Variants in MYO5C observed in about 807,000 individuals in gnomAD.
MYO5C encodes unconventional myosin-Vc.
In MYO5C, 194 loss-of-function variants were observed where a neutral mutation model predicts 235.7. That is an observed-to-expected ratio of 0.82 (90% CI 0.73 to 0.93). The LOEUF is 0.93. MYO5C is among the 40% of genes least tolerant of loss of function. The pLI is 0.00. For synonymous variants in MYO5C, 707 were observed against 754.8 expected, an observed-to-expected ratio of 0.94 and a Z score of 1.04; for missense variants, 2,038 against 2,127.2, an observed-to-expected ratio of 0.96 and a Z score of 0.82.
At chr15:52,196,124 T>G (rs1315612275) in intron 39 of MYO5C, among the ~76,000 whole-genome samples, 185 bp downstream of exon 39, 1 of 151,882 alleles carries the variant, frequency 6.6e-6, no homozygotes, top group Non-Finnish European at 1.5e-5. Flanking sequence ...TCTATGTTTT[T>G]AAGACCTAGT....
At chr15:52,260,810 C>G (rs4497629) in intron 10 of MYO5C, 52 bp downstream of exon 10, 1,566,801 of 1,575,222 alleles carry the variant, frequency 0.99, 779,614 homozygotes, top group East Asian at 1. Context: ...AAAAACCATG[C>G]GGCTCTCAAC....
At chr15:52,261,269 G>A in intron 9 of MYO5C, 142 bp from the exon 10 acceptor site, 1 of 957,298 alleles carries the variant, frequency 1.0e-6, no homozygotes, top group Non-Finnish European at 1.5e-6. Flanking sequence ...AGCCTCAGGA[G>A]GTGGAGATAG....
At chr15:52,230,466 T>C (rs2035922253) in intron 24 of MYO5C, among the ~76,000 whole-genome samples, 1 of 151,906 alleles carries the variant, frequency 6.6e-6, no homozygotes, top group Non-Finnish European at 1.5e-5. Context: ...TGAACTTCAG[T>C]GGCATGATCT....
intron 12 of MYO5C, among the ~76,000 whole-genome samples, chr15:52,252,612 A>G (rs897613235): frequency 6.6e-6 from 1 of 152,036 alleles, no homozygotes; most frequent in Non-Finnish European, 1.5e-5. Context: ...CGTCTCTACC[A>G]AAAATACAAA....
chr15:52,206,053 A>AATCAG, intron 36 of MYO5C, 87 bp from the exon 37 acceptor site: 1 of 815,480 alleles, frequency 1.2e-6, no homozygotes, highest in Non-Finnish European at 1.8e-6. Context: ...TTTACCTTAA[A>AATCAG]ACTTAATGTC....
Position 52,229,223 on chromosome 15 carries a change from C to T in MYO5C, c.3117G>A (p.Glu1039=). Residue 1039 remains glutamate, a synonymous_variant, in exon 25 of 41, where the codon GAG becomes GAA. Transcript: ENST00000261839. ...CCACCAGGTGTTGGAGTTGCATCTTCTCATCCTTGAGAGCTTTAATTTCTT... is the reference window on the plus strand; with the variant it reads ...CCACCAGGTGTTGGAGTTGCATCTTTTCATCCTTGAGAGCTTTAATTTCTT... The part of the protein sequence containing the change: ...LKEEIKALKD[E]KMQLQHLVEG... 6.2e-7 allele frequency: 1 copy of T among 1,614,234 alleles called. No homozygotes were observed.
In MYO5C at chr15:52,196,366, G is replaced by A. The variant is rs762980330; in HGVS notation, c.4938C>T (p.Thr1646=). The part of the protein sequence containing the change: ...QAAWLLQVKK[T]TDSDAKEIYE... ...AGATCTCCTTGGCATCACTGTCTGT[G>A]GTCTTCTTGACCTGAAGCAACCAGG... is the stretch of plus-strand genomic sequence containing the variant. Residue 1646 remains threonine (T), a synonymous_variant, in exon 39 of 41, where the codon ACC becomes ACT. Transcript: ENST00000261839. The A allele has an allele frequency of 1.9e-6, 3 of 1,613,958 alleles. No homozygotes were observed. In the African/African-American group the frequency reaches 4.0e-5, roughly 22 times the overall value.
At chr15:52,262,962 G>T (rs565555115) in intron 9 of MYO5C, among the ~76,000 whole-genome samples, 3 of 152,308 alleles carry the variant, frequency 2.0e-5, no homozygotes, top group African/African-American at 7.2e-5. Flanking sequence ...GGCCTGCCAT[G>T]ATGGGATTAG....
chr15:52,250,944 GAA>G (rs1175575468), intron 13 of MYO5C: 1 of 152,224 alleles, frequency 6.6e-6, no homozygotes, highest in Non-Finnish European at 1.5e-5. Context: ...TAAAGAAAAA[GAA>G]GACACAAAAG....
At chr15:52,291,729 A>ATGTTT (rs2037391121) in intron 1 of MYO5C, among the ~76,000 whole-genome samples, 4 of 46,722 alleles carry the variant, frequency 8.6e-5, no homozygotes, top group African/African-American at 2.3e-4. Flanking sequence ...TGCATATTTT[A>ATGTTT]TGTTTTTTTT....
chr15:52,245,861 G>A, intron 17 of MYO5C, 95 bp downstream of exon 17: 1 of 1,178,516 alleles, frequency 8.5e-7, no homozygotes, highest in Middle Eastern at 2.6e-4. Flanking sequence ...GAAGCCAAAA[G>A]TATGTGACAA....
intron 11 of MYO5C, 100 bp downstream of exon 11, chr15:52,256,535 CAAGA>C: frequency 1.2e-6 from 1 of 820,818 alleles, no homozygotes; most frequent in Non-Finnish European, 2.0e-6. Flanking sequence ...TTTGCAACCT[CAAGA>C]AAGAAGAATG....
chr15:52,195,001 C>T (rs1334696366), intron 40 of MYO5C, among the ~76,000 whole-genome samples: 1 of 151,956 alleles, frequency 6.6e-6, no homozygotes, highest in Non-Finnish European at 1.5e-5. Flanking sequence ...CCTAGAGTTC[C>T]TTAGGGGACA....
intron 6 of MYO5C, 48 bp from the exon 7 acceptor site, chr15:52,271,892 CA>C (rs1566989242): frequency 7.8e-6 from 10 of 1,274,368 alleles, no homozygotes; most frequent in Non-Finnish European, 1.1e-5. Flanking sequence ...TCCTTACAAG[CA>C]AAAATGCCAG....
At position 52,278,868 on chromosome 15, in the gene MYO5C, G is replaced by C. The variant is rs1328177641; in HGVS notation, c.449+5C>G. 6.2e-7 allele frequency: 1 copy of C among 1,613,316 alleles called. No individual in the cohort carries two copies. Among genetic ancestry groups the C allele is most frequent in the East Asian group, 2.2e-5 (1 of 44,888 alleles). On this transcript the variant is annotated splice_donor_5th_base_variant and intron_variant, in intron 4 of 40. Coordinates refer to ENST00000261839, the MANE Select transcript of MYO5C (RefSeq NM_018728.4). ...AAGGGGAAGTCCAGCTTGGCAGGAA[G>C]CTACCTGGCCATCTGCTTGTATGCC...
At chr15:52,248,669 T>C in intron 14 of MYO5C, 31 bp downstream of exon 14, 1 of 1,460,922 alleles carries the variant, frequency 6.8e-7, no homozygotes, top group Non-Finnish European at 9.6e-7. Flanking sequence ...AATTATATAA[T>C]AACTTTAGTT....
At chr15:52,278,656 T>C (rs1350203365) in intron 4 of MYO5C, among the ~76,000 whole-genome samples, 3 of 152,200 alleles carry the variant, frequency 2.0e-5, no homozygotes, top group East Asian at 3.9e-4. Flanking sequence ...CTTGACTACC[T>C]TGAAGGAACA....
At chr15:52,262,091 A>G (rs2036710059) in intron 9 of MYO5C, among the ~76,000 whole-genome samples, 1 of 152,230 alleles carries the variant, frequency 6.6e-6, no homozygotes, top group African/African-American at 2.4e-5. Flanking sequence ...CTTCTAAGAA[A>G]GAATGAAACC....
intron 25 of MYO5C, among the ~76,000 whole-genome samples, chr15:52,228,922 AAGTT>A (rs2035889038): frequency 6.6e-6 from 1 of 152,262 alleles, no homozygotes; most frequent in African/African-American, 2.4e-5. Context: ...AATTTCAAAA[AAGTT>A]AGAAAGTTGA....
Sources: allele counts gnomAD v4.1 joint callset (sites outside exome capture counted in the v4.1 genomes callset), GRCh38; gene constraint gnomAD v4.1.1; transcripts MANE v1.5; gene names NCBI Gene and HGNC (gene_info 2026-07-23, HGNC 2026-07-21).